Variants in CALCOCO2 observed in about 807,000 individuals in gnomAD.
CALCOCO2 encodes calcium-binding and coiled-coil domain-containing protein 2.
Under a neutral mutation model 62.5 loss-of-function variants are expected in CALCOCO2, and 42 were observed. The ratio of observed to expected loss-of-function variants is 0.67; its 90% confidence interval spans 0.53 to 0.87. The LOEUF (loss-of-function observed/expected upper bound fraction) is 0.87, where lower values mean the gene tolerates loss of function less well. Ranked by LOEUF, CALCOCO2 falls within the 40% of genes least tolerant of loss-of-function variation. The probability of loss-of-function intolerance (pLI) is 0.00; values close to 1 mark genes in which losing one functional copy is unlikely to be tolerated. For missense variants in CALCOCO2, 456 were observed against 515.0 expected (o/e 0.89, Z 1.11); for synonymous variants, 167 against 173.0 (o/e 0.97, Z 0.27).
chr17:48,857,423 C>T (rs2040233845), intron 10 of CALCOCO2, among the ~76,000 whole-genome samples: 1 of 149,646 alleles, frequency 6.7e-6, no homozygotes, highest in African/African-American at 2.5e-5. Context: ...TCTCGAACTC[C>T]TGACCTGAGG....
chr17:48,843,397 C>A (rs534265407), intron 2 of CALCOCO2, among the ~76,000 whole-genome samples: 88 of 152,262 alleles, frequency 5.8e-4, no homozygotes, highest in African/African-American at 1.8e-3. Context: ...GGTTTGACAC[C>A]TCAGTATGTC....
At chr17:48,835,836 G>A (rs1461252402) in intron 1 of CALCOCO2, among the ~76,000 whole-genome samples, 2 of 151,404 alleles carry the variant, frequency 1.3e-5, no homozygotes, top group East Asian at 1.9e-4. Context: ...TGCAACCTCC[G>A]CCTCCTGGGT....
At chr17:48,852,779 C>T in intron 8 of CALCOCO2, 147 bp from the exon 9 acceptor site, 1 of 973,234 alleles carries the variant, frequency 1.0e-6, no homozygotes. Flanking sequence ...AATGAGATAG[C>T]TCATGGCTTT....
chr17:48,840,115 C>CGTT (rs902699845), intron 1 of CALCOCO2, among the ~76,000 whole-genome samples: 22 of 152,122 alleles, frequency 1.4e-4, no homozygotes, highest in African/African-American at 2.2e-4. Context: ...TTTCCTATTT[C>CGTT]GTTGTTGTTG....
At chr17:48,857,198 CTTT>C (rs34508915) in intron 10 of CALCOCO2, among the ~76,000 whole-genome samples, 11 of 128,112 alleles carry the variant, frequency 8.6e-5, no homozygotes, top group Admixed American at 1.6e-4. Flanking sequence ...CATCTTTACC[CTTT>C]TTTTTTTTTT....
At chr17:48,844,373 A>G (rs2040018061) in intron 2 of CALCOCO2, among the ~76,000 whole-genome samples, 1 of 151,548 alleles carries the variant, frequency 6.6e-6, no homozygotes, top group South Asian at 2.1e-4. Flanking sequence ...TTATATTTCT[A>G]TTTTGCTTAG....
At chr17:48,850,328 G>GC (rs1306841375) in intron 5 of CALCOCO2, among the ~76,000 whole-genome samples, 1 of 151,476 alleles carries the variant, frequency 6.6e-6, no homozygotes, top group African/African-American at 2.4e-5. Flanking sequence ...ATGGTGGCAT[G>GC]CGCCTGTAAT....
chr17:48,846,167 T>G, intron 2 of CALCOCO2: 1 of 780,550 alleles, frequency 1.3e-6, no homozygotes, highest in Non-Finnish European at 2.0e-6. Context: ...GACAGAGTCT[T>G]GCTCTGTCAC....
At position 48,848,731 on chromosome 17, in the gene CALCOCO2, A is replaced by G. The variant is rs577929124; in HGVS notation, c.417+276A>G. ...ATTGCTTAATTTTTGTCATCTACAC[A>G]TCTTATCACAATGGTAAATGTAAAA... On this transcript the variant is annotated intron_variant, in intron 4 of 12. Coordinates refer to ENST00000258947, the MANE Select transcript of CALCOCO2 (RefSeq NM_005831.5). 4 of 571,412 alleles carry G rather than the reference A, an allele frequency of 7.0e-6. No homozygotes were observed. The East Asian group carries it at 1.6e-4, about 23-fold the overall frequency. 35.4% of individuals were successfully genotyped at this position (571,412 alleles called of 1,614,324 possible).
At chr17:48,860,002 A>G (rs1300298520) in intron 10 of CALCOCO2, among the ~76,000 whole-genome samples, 2 of 152,150 alleles carry the variant, frequency 1.3e-5, no homozygotes, top group Admixed American at 6.6e-5. Flanking sequence ...GCTGAGGCAC[A>G]AGAATCACTT....
At chr17:48,843,677 A>G (rs188879316) in intron 2 of CALCOCO2, among the ~76,000 whole-genome samples, 3 of 152,314 alleles carry the variant, frequency 2.0e-5, no homozygotes, top group African/African-American at 7.2e-5. Context: ...AGGCGTGCCA[A>G]CCCACCAGAG....
intron 4 of CALCOCO2, 81 bp downstream of exon 4, chr17:48,848,536 G>C: frequency 7.7e-7 from 1 of 1,291,600 alleles, no homozygotes; most frequent in South Asian, 1.3e-5. Context: ...AGTTAATAAG[G>C]CTTTATTGAA....
chr17:48,838,572 G>A (rs546698383), intron 1 of CALCOCO2, among the ~76,000 whole-genome samples: 1 of 152,162 alleles, frequency 6.6e-6, no homozygotes, highest in South Asian at 2.1e-4. Flanking sequence ...AAACTGGCCG[G>A]GCATGGTGGC....
intron 2 of CALCOCO2, among the ~76,000 whole-genome samples, chr17:48,845,400 T>TGC (rs2040037788): frequency 6.7e-6 from 1 of 149,248 alleles, no homozygotes; most frequent in African/African-American, 2.5e-5. Context: ...TGTGTGTGTG[T>TGC]GTGTGTGTGT....
In CALCOCO2 at chr17:48,845,481, G is replaced by A. The variant is rs1425321457; in HGVS notation, c.181-2583G>A. The stretch of plus-strand genomic sequence containing the variant: ...GCTGTGGCTCATGCCTGTAATCCCA[G>A]CACTTTAAGAGGCCGAGGCAGGTGG... On this transcript the variant is annotated intron_variant, in intron 2 of 12. Transcript: ENST00000258947. 4.0e-5 allele frequency among the ~76,000 whole-genome samples: 6 copies of A among 150,940 alleles called. No individual in the cohort carries two copies. The East Asian group carries it at 1.2e-3, about 30-fold the overall frequency.
At position 48,862,953 on chromosome 17, in the gene CALCOCO2, C is replaced by CAGCTACAGAGAAGCAGATCTTTGAAG. The variant is rs772053392; in HGVS notation, c.1291_1316dup (p.Asp439GlufsTer32). ...TGTCCAATTTGTGACAAGATCTTCC[C>CAGCTACAGAGAAGCAGATCTTTGAAG]AGCTACAGAGAAGCAGATCTTTGAA... On this transcript the variant is annotated frameshift_variant, in exon 13 of 13. Transcript: ENST00000258947. LOFTEE classifies it high-confidence loss of function. The CAGCTACAGAGAAGCAGATCTTTGAAG allele has an allele frequency of 6.2e-7, 1 of 1,613,716 alleles. No homozygotes were observed. Among genetic ancestry groups the CAGCTACAGAGAAGCAGATCTTTGAAG allele is most frequent in the Admixed American group, 1.7e-5 (1 of 60,024 alleles).
chr17:48,852,879 A>ATG (rs1567756604), intron 8 of CALCOCO2, 47 bp from the exon 9 acceptor site: 1 of 1,359,428 alleles, frequency 7.4e-7, no homozygotes, highest in East Asian at 2.3e-5. Flanking sequence ...GTGTGTGTGC[A>ATG]TGTGTGTGTT....
At chr17:48,843,301 T>C (rs993455474) in intron 2 of CALCOCO2, among the ~76,000 whole-genome samples, 9 of 152,178 alleles carry the variant, frequency 5.9e-5, no homozygotes, top group Admixed American at 5.2e-4. Flanking sequence ...TACACCATAA[T>C]GACAAATCTT....
In CALCOCO2 at chr17:48,862,884, A is replaced by T. The variant is rs769396397; in HGVS notation, c.1220A>T (p.Asp407Val). 6.2e-7 allele frequency: 1 copy of T among 1,614,096 alleles called. No individual in the cohort carries two copies. ...ATCTGCAAAGCAGATGATATTTGTG[A>T]TCACACCTTGGAGCAACAGCAGATG... ...CPICKADDIC[D>V]HTLEQQQMQP... Residue 407 changes from aspartate (D) to valine (V), a missense_variant, in exon 13 of 13, where the codon GAT becomes GTT. Asp to Val is a radical substitution (Grantham distance 152). Transcript: ENST00000258947.
Sources: gnomAD v4.1 joint callset for allele counts (sites outside exome capture counted in the v4.1 genomes callset) on GRCh38, gnomAD v4.1.1 for gene constraint, MANE v1.5 for transcripts, NCBI Gene and HGNC (gene_info 2026-07-23, HGNC 2026-07-21) for gene names.